The following MCTP2 variants were observed in gnomAD, a reference collection of about 807,000 sequenced individuals.
The protein encoded by MCTP2 is multiple C2 and transmembrane domain containing 2, also known as multiple C2 and transmembrane domain-containing protein 2.
A neutral mutation model predicts 111.6 loss-of-function variants in MCTP2; 132 were observed. That is an observed-to-expected ratio of 1.18 (90% confidence interval 1.03 to 1.37). MCTP2 has a LOEUF of 1.37. MCTP2 is among the 40% of genes most tolerant of loss of function. The pLI is 0.00. For missense variants in MCTP2, 1,183 were observed against 1,067.9 expected, an observed-to-expected ratio of 1.11 and a Z score of -1.50; for synonymous variants, 395 against 387.7, an observed-to-expected ratio of 1.02 and a Z score of -0.22.
At chr15:94,422,225 C>T (rs564679361) in intron 17 of MCTP2, among the ~76,000 whole-genome samples, 3 of 152,070 alleles carry the variant, frequency 2.0e-5, no homozygotes, top group African/African-American at 7.2e-5. Context: ...GTCTTGGGCA[C>T]GTGAGCTTTC....
At chr15:94,415,986 G>A (rs983143465) in intron 17 of MCTP2, among the ~76,000 whole-genome samples, 3 of 152,130 alleles carry the variant, frequency 2.0e-5, no homozygotes, top group African/African-American at 7.2e-5. Flanking sequence ...GTCTGTTTGT[G>A]AAGAGCATAA....
intron 10 of MCTP2, among the ~76,000 whole-genome samples, chr15:94,362,014 G>A (rs540116333): frequency 2.0e-5 from 3 of 152,036 alleles, no homozygotes; most frequent in South Asian, 2.1e-4. Context: ...ATAGTCCACC[G>A]ACCTGCAGAT....
At chr15:94,474,250 A>T (rs2074164006) in intron 21 of MCTP2, among the ~76,000 whole-genome samples, 1 of 152,186 alleles carries the variant, frequency 6.6e-6, no homozygotes. Flanking sequence ...TGGCTTTAAT[A>T]GTATTAAAGG....
At chr15:94,386,824 A>AAAC (rs1308545129) in intron 14 of MCTP2, among the ~76,000 whole-genome samples, 1 of 151,922 alleles carries the variant, frequency 6.6e-6, no homozygotes, top group Non-Finnish European at 1.5e-5. Flanking sequence ...AAACAAAACA[A>AAAC]AACAACTCCC....
intron 10 of MCTP2, among the ~76,000 whole-genome samples, chr15:94,362,572 C>G (rs558169961): frequency 6.6e-6 from 1 of 152,260 alleles, no homozygotes; most frequent in African/African-American, 2.4e-5. Context: ...CACCCCATGT[C>G]GTTGATCTGC....
At chr15:94,423,677 A>C (rs924442460) in intron 17 of MCTP2, among the ~76,000 whole-genome samples, 3 of 152,204 alleles carry the variant, frequency 2.0e-5, no homozygotes, top group Non-Finnish European at 4.4e-5. Flanking sequence ...GCATAGGTGC[A>C]TGTGCGTGTA....
intron 19 of MCTP2, among the ~76,000 whole-genome samples, chr15:94,452,760 T>G (rs142180886): frequency 6.6e-6 from 1 of 152,326 alleles, no homozygotes; most frequent in Non-Finnish European, 1.5e-5. Flanking sequence ...AATATAATCT[T>G]CTTGTAGCAT....
chr15:94,361,191 G>C (rs570104235), intron 10 of MCTP2, among the ~76,000 whole-genome samples: 27 of 126,208 alleles, frequency 2.1e-4, no homozygotes, highest in Non-Finnish European at 3.5e-4. Flanking sequence ...AAACCTTTTT[G>C]CATCAGGAGG....
In MCTP2 at chr15:94,367,715, C is replaced by G; in HGVS notation, c.1412C>G (p.Ala471Gly). The G allele has an allele frequency of 6.2e-7, 1 of 1,609,392 alleles. No homozygotes were observed. Among genetic ancestry groups the G allele is most frequent in the Non-Finnish European group, 8.5e-7 (1 of 1,178,164 alleles). ...ATGTTGGTCACACTTACACCCTGTG[C>G]GGGGGTCTCCGTCTCTGATCTGTGT... ...LLMLVTLTPC[A>G]GVSVSDLCVC... Residue 471 changes from alanine to glycine, a missense_variant, in exon 11 of 23, where the codon GCG becomes GGG. Physicochemically the swap from Ala to Gly is moderately conservative, Grantham distance 60. Transcript: ENST00000357742.
intron 8 of MCTP2, 58 bp from the exon 9 acceptor site, chr15:94,356,079 A>G (rs2117216): frequency 0.21 from 292,478 of 1,401,252 alleles, 31,703 homozygotes; most frequent in Admixed American, 0.31. Flanking sequence ...TATGATCATC[A>G]AAGTCACTCT....
chr15:94,288,317 G>A (rs1193331804), intron 1 of MCTP2, among the ~76,000 whole-genome samples: 1 of 152,108 alleles, frequency 6.6e-6, no homozygotes, highest in African/African-American at 2.4e-5. Context: ...AATACATTGT[G>A]GACTCATGGA....
chr15:94,427,559 C>T (rs755900141), intron 17 of MCTP2, among the ~76,000 whole-genome samples: 7 of 152,092 alleles, frequency 4.6e-5, no homozygotes, highest in East Asian at 1.9e-4. Context: ...CTCACTATCA[C>T]GAGAACAGCA....
At chr15:94,342,053 C>T (rs769974656) in intron 7 of MCTP2, 2 of 152,048 alleles carry the variant, frequency 1.3e-5, no homozygotes, top group Non-Finnish European at 2.9e-5. Flanking sequence ...TAGGTTATAG[C>T]ATGCAATGTA....
chr15:94,268,347 A>AT (rs59728541), intron 1 of MCTP2, among the ~76,000 whole-genome samples: 44 of 144,302 alleles, frequency 3.0e-4, no homozygotes, highest in African/African-American at 1.0e-3. Flanking sequence ...TACCTGGCTA[A>AT]TTTTTTTTTT....
chr15:94,273,475 T>C (rs549086935), intron 1 of MCTP2: 24 of 157,906 alleles, frequency 1.5e-4, no homozygotes, highest in African/African-American at 5.7e-4. Flanking sequence ...TCAGGAAATA[T>C]ATAGGAGCCA....
At chr15:94,353,653 G>A (rs2078439838) in intron 8 of MCTP2, among the ~76,000 whole-genome samples, 1 of 152,146 alleles carries the variant, frequency 6.6e-6, no homozygotes, top group Non-Finnish European at 1.5e-5. Context: ...TGTTTAGGGA[G>A]GAATATATCT....
intron 17 of MCTP2, chr15:94,403,364 C>A (rs1414361883): frequency 5.0e-6 from 2 of 401,582 alleles, no homozygotes; most frequent in Non-Finnish European, 6.7e-6. Flanking sequence ...CTCCCCAGCT[C>A]CACTTCCCAC....
At chr15:94,402,627 C>T (rs1310900524) in intron 17 of MCTP2, 6 of 1,547,062 alleles carry the variant, frequency 3.9e-6, no homozygotes, top group Non-Finnish European at 5.2e-6. Context: ...CACTGAGAGC[C>T]CAAGAATCTT....
intron 17 of MCTP2, among the ~76,000 whole-genome samples, chr15:94,417,993 G>A (rs1240846087): frequency 6.6e-6 from 1 of 152,020 alleles, no homozygotes; most frequent in African/African-American, 2.4e-5. Flanking sequence ...TTAATACAGC[G>A]AACTGCTTTA....
Sources: allele counts gnomAD v4.1 joint callset (sites outside exome capture counted in the v4.1 genomes callset), GRCh38; gene constraint gnomAD v4.1.1; transcripts MANE v1.5; gene names NCBI Gene and HGNC (gene_info 2026-07-23, HGNC 2026-07-21).